GRHL2: variants seen among roughly 807,000 people sequenced by gnomAD.
GRHL2 encodes grainyhead-like protein 2 homolog.
GRHL2 carries 21 observed loss-of-function variants against 83.8 expected under a neutral mutation model. The observed-to-expected ratio is 0.25, with a 90% CI of 0.18 to 0.36. The LOEUF (loss-of-function observed/expected upper bound fraction) is 0.36. GRHL2 is among the 10% of genes least tolerant of loss of function. The pLI is 1.00. For synonymous variants in GRHL2, 280 were observed against 278.9 expected, an observed-to-expected ratio of 1.00 and a Z score of -0.04; for missense variants, 623 against 781.8, an observed-to-expected ratio of 0.80 and a Z score of 2.42.
intron 1 of GRHL2, among the ~76,000 whole-genome samples, chr8:101,514,696 T>C (rs1419603187): frequency 6.6e-6 from 1 of 152,146 alleles, no homozygotes; most frequent in Non-Finnish European, 1.5e-5. Context: ...AAAGTGAAAG[T>C]TTCCTAACAA....
At chr8:101,656,854 G>A (rs1202661496) in intron 14 of GRHL2, among the ~76,000 whole-genome samples, 1 of 128,338 alleles carries the variant, frequency 7.8e-6, no homozygotes, top group Non-Finnish European at 1.6e-5. Context: ...GTCTGTTAGT[G>A]TATTTTATGT....
the GRHL2 span, among the ~76,000 whole-genome samples, chr8:101,678,802 C>T: frequency 2.0e-5 from 3 of 152,046 alleles, no homozygotes; most frequent in East Asian, 5.8e-4. Flanking sequence ...GAGGCACCCC[C>T]CAGCAGGGGC....
intron 8 of GRHL2, among the ~76,000 whole-genome samples, chr8:101,615,370 T>C (rs555924804): frequency 2.7e-4 from 41 of 152,336 alleles, no homozygotes; most frequent in Admixed American, 2.4e-3. Context: ...TCTGAGTGTA[T>C]GTATGTCCAC....
chr8:101,625,804 G>C (rs1365247501), intron 9 of GRHL2, among the ~76,000 whole-genome samples: 11 of 151,974 alleles, frequency 7.2e-5, no homozygotes, highest in Admixed American at 6.6e-4. Flanking sequence ...GGAGAATGTT[G>C]GGTAAATGAT....
intron 14 of GRHL2, among the ~76,000 whole-genome samples, chr8:101,661,967 T>C (rs1469169836): frequency 1.3e-5 from 2 of 152,264 alleles, no homozygotes; most frequent in African/African-American, 2.4e-5. Flanking sequence ...CCATCTATGC[T>C]CTATCCTTTT....
chr8:101,589,010 C>T (rs1157055043), intron 7 of GRHL2, among the ~76,000 whole-genome samples: 7 of 152,068 alleles, frequency 4.6e-5, no homozygotes, highest in Non-Finnish European at 7.4e-5. Context: ...CCCTGTTTGT[C>T]GGGGTGATTA....
chr8:101,543,680 G>A, intron 2 of GRHL2: 1 of 520,264 alleles, frequency 1.9e-6, no homozygotes, highest in Non-Finnish European at 3.5e-6. Context: ...TTGTTCACAT[G>A]CATAAATATT....
intron 2 of GRHL2, among the ~76,000 whole-genome samples, chr8:101,544,823 C>T (rs776936211): frequency 1.3e-5 from 2 of 152,094 alleles, no homozygotes; most frequent in Non-Finnish European, 2.9e-5. Context: ...TTTCTGCTTC[C>T]TACTTCCTGT....
In GRHL2 at chr8:101,558,584, C is replaced by G; in HGVS notation, c.450C>G (p.Ile150Met). ...SISFPESSAI[I>M]PVSGITVVKA... is the part of the protein sequence containing the mutation. The stretch of plus-strand genomic sequence containing the variant: ...GCTTCCCCGAGAGCTCTGCCATCAT[C>G]CCGGTGTCGGGAATCACGGTGGTGA... Residue 150 changes from isoleucine to methionine, a missense_variant, in exon 4 of 16, where the codon ATC becomes ATG. By Grantham distance (10) the Ile-to-Met change is conservative. Transcript: ENST00000646743. 2 of 1,614,170 alleles carry G rather than the reference C, an allele frequency of 1.2e-6. No homozygotes were observed. The highest frequency in any genetic ancestry group is 1.7e-6 in the Non-Finnish European group (2 of 1,180,038).
chr8:101,593,749 T>G (rs761329967), intron 7 of GRHL2, among the ~76,000 whole-genome samples: 1 of 151,892 alleles, frequency 6.6e-6, no homozygotes, highest in Non-Finnish European at 1.5e-5. Flanking sequence ...GGGCCCTACA[T>G]CCAATGACAA....
chr8:101,520,757 G>A (rs1810665947), intron 1 of GRHL2, among the ~76,000 whole-genome samples: 2 of 152,158 alleles, frequency 1.3e-5, no homozygotes, highest in Admixed American at 6.5e-5. Flanking sequence ...AGTTTCATCA[G>A]ACACTGCCCT....
chr8:101,596,223 A>G (rs2130303547), intron 7 of GRHL2, among the ~76,000 whole-genome samples: 1 of 152,330 alleles, frequency 6.6e-6, no homozygotes, highest in South Asian at 2.1e-4. Context: ...AACCTCTTTC[A>G]CAATCAATAA....
At chr8:101,605,613 G>A (rs548604511) in intron 8 of GRHL2, among the ~76,000 whole-genome samples, 1 of 152,302 alleles carries the variant, frequency 6.6e-6, no homozygotes, top group Non-Finnish European at 1.5e-5. Context: ...GGGCCTGCTG[G>A]TGCAGCACTT....
Position 101,644,144 on chromosome 8 carries a change from G to A in GRHL2, c.1531G>A (p.Val511Ile). 1 of 1,614,144 alleles carries A rather than the reference G, an allele frequency of 6.2e-7. No homozygotes were observed. The highest frequency in any genetic ancestry group is 1.1e-5 in the South Asian group (1 of 91,080). ...TATCTTTTCTAGTGGCAGTGTCCTTGTTAAACGGATGTTCCGGCCCATGGA... is the reference window on the plus strand; with the variant it reads ...TATCTTTTCTAGTGGCAGTGTCCTTATTAAACGGATGTTCCGGCCCATGGA... ...DDEREGGSVL[V>I]KRMFRPMEEE... is the part of the protein sequence containing the mutation. The change falls in exon 13 of 16, where the codon GTT becomes ATT. Residue 511 changes from valine (V) to isoleucine (I), a missense_variant. By Grantham distance (29) the Val-to-Ile change is conservative. Around this residue, in one of 8 missense-constraint regions of GRHL2, gnomAD observed 210 missense variants for 254.8 expected, o/e 0.82. Transcript: ENST00000646743.
intron 1 of GRHL2, among the ~76,000 whole-genome samples, chr8:101,507,933 C>T (rs1810374867): frequency 6.6e-6 from 1 of 151,798 alleles, no homozygotes; most frequent in South Asian, 2.1e-4. Flanking sequence ...CAGATGTGTG[C>T]CACCATGCCC....
At chr8:101,499,014 G>C (rs1810167039) in intron 1 of GRHL2, among the ~76,000 whole-genome samples, 1 of 151,598 alleles carries the variant, frequency 6.6e-6, no homozygotes, top group South Asian at 2.1e-4. Context: ...GGCAGAGCTT[G>C]CAGTGAGCTG....
chr8:101,637,182 T>G (rs1006044290), intron 12 of GRHL2, among the ~76,000 whole-genome samples: 1 of 152,196 alleles, frequency 6.6e-6, no homozygotes. Context: ...AATAACTAGC[T>G]GTTTTTCTAA....
intron 3 of GRHL2, among the ~76,000 whole-genome samples, chr8:101,558,164 C>T (rs889873833): frequency 6.6e-6 from 1 of 152,086 alleles, no homozygotes; most frequent in African/African-American, 2.4e-5. Flanking sequence ...CGCGCCTGGC[C>T]TCGTTTTGTT....
chr8:101,658,775 A>G (rs1173979320), intron 14 of GRHL2, among the ~76,000 whole-genome samples: 1 of 152,190 alleles, frequency 6.6e-6, no homozygotes, highest in Non-Finnish European at 1.5e-5. Context: ...TTATTTTTCC[A>G]TTTTATTTTA....
Sources: gnomAD v4.1 joint callset for allele counts (sites outside exome capture counted in the v4.1 genomes callset) on GRCh38, gnomAD v4.1.1 for gene constraint, gnomAD v4.1.1 regional missense constraint, MANE v1.5 for transcripts, NCBI Gene and HGNC (gene_info 2026-07-23, HGNC 2026-07-21) for gene names.